Variants in ARIH1 observed in about 807,000 individuals in gnomAD.
ARIH1 encodes the protein ariadne RBR E3 ubiquitin protein ligase 1.
Under a neutral mutation model 85.0 loss-of-function variants are expected in ARIH1, and 8 were observed. The ratio of observed to expected loss-of-function variants is 0.09; its 90% CI spans 0.06 to 0.17. The LOEUF (loss-of-function observed/expected upper bound fraction) is 0.17. ARIH1 is among the 10% of genes least tolerant of loss of function. The probability of loss-of-function intolerance (pLI) is 1.00; values close to 1 mark genes in which losing one functional copy is unlikely to be tolerated. For missense variants in ARIH1, 311 were observed against 718.1 expected (o/e 0.43, Z 6.48); for synonymous variants, 238 against 253.6 (o/e 0.94, Z 0.59).
At chr15:72,476,557 G>T (rs1226392726) in intron 1 of ARIH1, among the ~76,000 whole-genome samples, 2 of 152,076 alleles carry the variant, frequency 1.3e-5, no homozygotes, top group East Asian at 1.9e-4. Context: ...GTAGAGACGG[G>T]TTTCACCATG....
At chr15:72,511,583 G>T (rs1225069514) in intron 1 of ARIH1, among the ~76,000 whole-genome samples, 2 of 152,156 alleles carry the variant, frequency 1.3e-5, no homozygotes, top group African/African-American at 4.8e-5. Context: ...AGGATTACAG[G>T]CATGAACCAC....
rs537278065 is a variant in ARIH1, at chr15:72,555,462, T to C, written c.681+99T>C. On this transcript the variant is annotated intron_variant, in intron 4 of 13. Coordinates refer to ENST00000379887, the MANE Select transcript of ARIH1 (RefSeq NM_005744.5). ...AAATAAAAACAGGTGAAGCTTTATG[T>C]GTCATGATTCTAGATTCAAACAACT... 8.7e-5 allele frequency: 70 copies of C among 807,670 alleles called. No individual in the cohort carries two copies. In the African/African-American group the frequency reaches 1.2e-3, roughly 13 times the overall value. The allele number at this position is 807,670 out of a possible 1,614,324, so 50.0% of individuals were successfully genotyped here. A position where few individuals can be genotyped will look rare whatever the true frequency, so the allele number is the denominator to read the frequency against.
At chr15:72,552,710 A>C (rs535386754) in intron 3 of ARIH1, among the ~76,000 whole-genome samples, 3 of 152,202 alleles carry the variant, frequency 2.0e-5, no homozygotes, top group Non-Finnish European at 4.4e-5. Flanking sequence ...AATATGTAAA[A>C]AACTGGAAAT....
intron 2 of ARIH1, among the ~76,000 whole-genome samples, chr15:72,528,317 C>T (rs2064039323): frequency 1.3e-5 from 2 of 152,134 alleles, no homozygotes; most frequent in African/African-American, 2.4e-5. Flanking sequence ...CTTTCCTGGA[C>T]TCTGTTACAA....
intron 5 of ARIH1, among the ~76,000 whole-genome samples, chr15:72,557,123 A>T (rs72735176): frequency 2.3e-3 from 354 of 151,152 alleles, no homozygotes; most frequent in Middle Eastern, 3.4e-3. Flanking sequence ...TTTTTGTTTA[A>T]TTTTTTTTTA....
At position 72,600,714 on chromosome 15, in the gene ARIH1, A is replaced by G. The variant is rs986927978; in HGVS notation, c.*17422A>G. 1 of 152,192 alleles carries G rather than the reference A, an allele frequency of 6.6e-6. No homozygotes were observed. The allele number at this position is 152,192 out of a possible 1,614,324, so 9.4% of individuals were successfully genotyped here. A position where few individuals can be genotyped will look rare whatever the true frequency, so the allele number is the denominator to read the frequency against. On this transcript the variant is annotated 3_prime_UTR_variant, in exon 14 of 14. Transcript: ENST00000379887. ...GTTTTTTTAAAAAGAGATTGTTCTAATTATGTATATAATTAAAGTACATTA... is the reference window on the plus strand; with the variant it reads ...GTTTTTTTAAAAAGAGATTGTTCTAGTTATGTATATAATTAAAGTACATTA...
At chr15:72,545,065 G>C (rs2064123031) in intron 3 of ARIH1, 101 bp downstream of exon 3, 3 of 1,117,148 alleles carry the variant, frequency 2.7e-6, no homozygotes, top group Non-Finnish European at 3.6e-6. Flanking sequence ...TCTGGGAGTA[G>C]TAACCTCTAA....
intron 1 of ARIH1, among the ~76,000 whole-genome samples, chr15:72,498,213 T>C (rs1052179513): frequency 2.3e-4 from 34 of 150,744 alleles, no homozygotes; most frequent in Non-Finnish European, 4.7e-4. Context: ...TGCATTCTTA[T>C]GTCAATAGAC....
chr15:72,567,234 G>A (rs1421361152), intron 9 of ARIH1, 57 bp downstream of exon 9: 2 of 1,421,282 alleles, frequency 1.4e-6, no homozygotes, highest in East Asian at 2.4e-5. Context: ...TTGGTACTTT[G>A]GCATTAGCAA....
At chr15:72,526,392 A>C (rs1012520124) in intron 2 of ARIH1, among the ~76,000 whole-genome samples, 4 of 152,118 alleles carry the variant, frequency 2.6e-5, no homozygotes, top group Admixed American at 1.3e-4. Flanking sequence ...AGTTTAAACA[A>C]ATTTATACTG....
chr15:72,540,608 A>T (rs914423171), intron 2 of ARIH1, among the ~76,000 whole-genome samples: 1 of 152,150 alleles, frequency 6.6e-6, no homozygotes, highest in Admixed American at 6.6e-5. Context: ...TATTTCATTT[A>T]AAATACTTAG....
intron 1 of ARIH1, among the ~76,000 whole-genome samples, chr15:72,475,528 A>C (rs1409277983): frequency 1.3e-5 from 2 of 152,160 alleles, no homozygotes; most frequent in Non-Finnish European, 2.9e-5. Flanking sequence ...TGGCAGTCTC[A>C]AGTGCCTACT....
rs567776811 is a variant in ARIH1 at position 72,547,414 on chromosome 15, G to A, written c.588+2450G>A. On this transcript the variant is annotated intron_variant, in intron 3 of 13. Transcript: ENST00000379887. ...CACCCGGCTAATTTTTGTATTTTTA[G>A]TAGAGACGGGGTTTCACCATATTGG... Among the ~76,000 whole-genome samples the A allele has an allele frequency of 6.6e-5, 10 of 152,170 alleles. No homozygotes were observed. The South Asian group carries it at 1.9e-3, about 28-fold the overall frequency.
At chr15:72,482,842 T>TTA (rs1452256035) in intron 1 of ARIH1, among the ~76,000 whole-genome samples, 2 of 149,242 alleles carry the variant, frequency 1.3e-5, no homozygotes, top group Non-Finnish European at 3.0e-5. Flanking sequence ...TCTCTCTCTT[T>TTA]TTTTTTTTTT....
intron 13 of ARIH1, 25 bp from the exon 14 acceptor site, chr15:72,583,183 T>G: frequency 3.2e-6 from 5 of 1,568,262 alleles, no homozygotes; most frequent in Non-Finnish European, 4.3e-6. Context: ...ACAACAAGTT[T>G]TTTTTTTTTT....
Position 72,597,830 on chromosome 15 carries a change from C to CT in ARIH1, c.*14542dup. On this transcript the variant is annotated 3_prime_UTR_variant, in exon 14 of 14. Transcript: ENST00000379887. ...TGTTGTTAAATTTCAGCAGGTTTCT[C>CT]TTTTCTCCCCCCTGTAGTATTCCTC... 1 of 152,304 alleles carries CT rather than the reference C, an allele frequency of 6.6e-6. No individual in the cohort carries two copies. The highest frequency in any genetic ancestry group is 6.5e-5 in the Admixed American group (1 of 15,296). The allele number at this position is 152,304 out of a possible 1,614,324, so 9.4% of individuals were successfully genotyped here. A position where few individuals can be genotyped will look rare whatever the true frequency, so the allele number is the denominator to read the frequency against.
intron 1 of ARIH1, among the ~76,000 whole-genome samples, chr15:72,514,414 C>G (rs1488902246): frequency 1.3e-5 from 2 of 152,092 alleles, no homozygotes; most frequent in South Asian, 2.1e-4. Flanking sequence ...AAATAGTAAA[C>G]TCTTTCTTTT....
At chr15:72,524,281 C>T (rs1268162460) in intron 2 of ARIH1, among the ~76,000 whole-genome samples, 5 of 144,036 alleles carry the variant, frequency 3.5e-5, no homozygotes, top group African/African-American at 7.8e-5. Context: ...GAGTCTTGCT[C>T]GGTTGCCCAG....
At chr15:72,475,298 T>G in intron 1 of ARIH1, 1 of 474,706 alleles carries the variant, frequency 2.1e-6, no homozygotes, top group Non-Finnish European at 3.4e-6. Context: ...TTTCTGCCAG[T>G]CCCTGGGCCG....
Sources: allele counts gnomAD v4.1 joint callset (sites outside exome capture counted in the v4.1 genomes callset), GRCh38; gene constraint gnomAD v4.1.1; transcripts MANE v1.5; gene names NCBI Gene and HGNC (gene_info 2026-07-23, HGNC 2026-07-21).